Variants in KDM2A observed in about 807,000 individuals in gnomAD.
KDM2A encodes the protein lysine demethylase 2A, also known as lysine-specific demethylase 2A.
KDM2A carries 3 observed loss-of-function variants against 137.3 expected under a neutral mutation model. The observed-to-expected ratio is 0.02, with a 90% CI of 0.01 to 0.06. The LOEUF (loss-of-function observed/expected upper bound fraction) is 0.06. KDM2A is among the 10% of genes least tolerant of loss of function. The pLI, the probability that KDM2A is intolerant of heterozygous loss-of-function variation, is 1.00. For synonymous variants in KDM2A, 512 were observed against 541.5 expected, an observed-to-expected ratio of 0.95 and a Z score of 0.76; for missense variants, 738 against 1,510.6, an observed-to-expected ratio of 0.49 and a Z score of 8.48.
rs1857840435 is a variant in KDM2A, at chr11:67,207,491, G to A, written c.308-19G>A. ...TATTAGTGGCTCGATAGAGATGATC[G>A]ATGCATCTTTTATGGCAGGGAGTCG... is the stretch of plus-strand genomic sequence containing the variant. On this transcript the variant is annotated intron_variant, in intron 5 of 20. Transcript: ENST00000529006. 3.8e-6 allele frequency: 6 copies of A among 1,562,012 alleles called. No homozygotes were observed. The highest frequency in any genetic ancestry group is 2.3e-5 in the East Asian group (1 of 43,724).
rs1422217271 is a variant in KDM2A at position 67,219,497 on chromosome 11, C to T, written c.957+94C>T. 3 of 570,952 alleles carry T rather than the reference C, an allele frequency of 5.3e-6. No homozygotes were observed. In the African/African-American group the frequency reaches 5.9e-5, roughly 11 times the overall value. 35.4% of individuals were successfully genotyped at this position (570,952 alleles called of 1,614,324 possible). On this transcript the variant is annotated intron_variant, in intron 10 of 20. Coordinates refer to ENST00000529006, the MANE Select transcript of KDM2A (RefSeq NM_012308.3). ...TTCACTGATGGTTTATCAAAACTTC[C>T]ATTTTTCTTTCAGTTAAAATGCAGT...
intron 2 of KDM2A, among the ~76,000 whole-genome samples, chr11:67,142,557 G>GGGGGTTGGGGTT (rs56758864): frequency 0.016 from 1,803 of 115,290 alleles, 46 homozygotes; most frequent in Non-Finnish European, 0.027. Flanking sequence ...AAGTTGGCCG[G>GGGGGTTGGGGTT]GGGGTTGGGG....
At chr11:67,169,761 T>TCTCTC (rs1856837974) in intron 2 of KDM2A, among the ~76,000 whole-genome samples, 1 of 41,778 alleles carries the variant, frequency 2.4e-5, no homozygotes, top group Non-Finnish European at 1.4e-4. Context: ...CTCTCTCTCT[T>TCTCTC]TTTTTTTTTT....
In KDM2A at chr11:67,231,919, A is replaced by G. The variant is rs1858731409; in HGVS notation, c.1438A>G (p.Thr480Ala). 1 of 1,613,868 alleles carries G rather than the reference A, an allele frequency of 6.2e-7. No individual in the cohort carries two copies. The highest frequency in any genetic ancestry group is 1.3e-5 in the African/African-American group (1 of 74,940). The change falls in exon 12 of 21, where the codon ACA becomes GCA. Residue 480 changes from threonine to alanine, a missense_variant. By Grantham distance (58) the Thr-to-Ala change is moderately conservative. This residue lies in a region of KDM2A where 71 missense variants were observed against 147.9 expected (regional missense o/e 0.48). Transcript: ENST00000529006. ...GCCACTGCACAAGAAATGTGTCCCC[A>G]CAGGGATAGAAGATGAAGATGCTCT... is the stretch of plus-strand genomic sequence containing the variant. The part of the protein sequence containing the change: ...SLPLHKKCVP[T>A]GIEDEDALIA...
chr11:67,195,530 C>G (rs1857458137), intron 5 of KDM2A: 1 of 152,992 alleles, frequency 6.5e-6, no homozygotes, highest in African/African-American at 2.4e-5. Context: ...ATGAAGAAAA[C>G]AAAGAGCTCT....
At chr11:67,200,331 T>C (rs1752988208) in intron 5 of KDM2A, among the ~76,000 whole-genome samples, 1 of 152,084 alleles carries the variant, frequency 6.6e-6, no homozygotes. Context: ...TTCTCCTGTC[T>C]CAGCCTCCCG....
chr11:67,120,484 C>T (rs1338684517), intron 1 of KDM2A, among the ~76,000 whole-genome samples: 2 of 152,198 alleles, frequency 1.3e-5, no homozygotes, highest in Non-Finnish European at 2.9e-5. Flanking sequence ...ACGGATTGAC[C>T]GTCGCGCCGG....
intron 15 of KDM2A, among the ~76,000 whole-genome samples, chr11:67,247,080 T>TTTTA (rs1859268839): frequency 3.6e-5 from 3 of 82,420 alleles, no homozygotes; most frequent in East Asian, 3.8e-4. Flanking sequence ...TATTTTTTTT[T>TTTTA]TTTTTTTTTT....
At chr11:67,201,508 C>T (rs374668250) in intron 5 of KDM2A, among the ~76,000 whole-genome samples, 8 of 151,884 alleles carry the variant, frequency 5.3e-5, no homozygotes, top group Non-Finnish European at 8.8e-5. Flanking sequence ...CGGTGGCTCA[C>T]GCCTGTAATC....
Position 67,250,915 on chromosome 11 carries a change from A to C in KDM2A, c.2768+117A>C. The C allele has an allele frequency of 1.3e-6, 1 of 778,304 alleles. No individual in the cohort carries two copies. Among genetic ancestry groups the C allele is most frequent in the Non-Finnish European group, 2.1e-6 (1 of 479,408 alleles). 48.2% of individuals were successfully genotyped at this position (778,304 alleles called of 1,614,324 possible). A position where few individuals can be genotyped will look rare whatever the true frequency, so the allele number is the denominator to read the frequency against. ...AGCCTGTGGGGTCTTATGAGGAGTG[A>C]ATTGACCCTTTTTCCCAAACTTTGG... is the stretch of plus-strand genomic sequence containing the variant. On this transcript the variant is annotated intron_variant, in intron 17 of 20. Coordinates refer to ENST00000529006, the MANE Select transcript of KDM2A (RefSeq NM_012308.3). This position sits in a 1 kb window ranked among gnomAD's most constrained non-coding sequence, Gnocchi z 7.1.
intron 2 of KDM2A, among the ~76,000 whole-genome samples, chr11:67,154,546 C>T (rs1437905018): frequency 6.6e-6 from 1 of 152,172 alleles, no homozygotes; most frequent in Non-Finnish European, 1.5e-5. Flanking sequence ...GATTCTCCTG[C>T]CTCAGCCTCC....
rs556011998 is a variant in KDM2A at position 67,174,275 on chromosome 11, C to T, written c.43-5804C>T. On this transcript the variant is annotated intron_variant, in intron 2 of 20. Coordinates refer to ENST00000529006, the MANE Select transcript of KDM2A (RefSeq NM_012308.3). ...TCTGTCTCAAAAAAAAGAAAGAAAC[C>T]GTTTCCTAAAAACAGTCTCTCTCAG... 9.2e-5 allele frequency among the ~76,000 whole-genome samples: 14 copies of T among 152,118 alleles called. No individual in the cohort carries two copies. The South Asian group carries it at 2.5e-3, about 27-fold the overall frequency.
chr11:67,154,251 GT>G (rs1856466398), intron 2 of KDM2A, among the ~76,000 whole-genome samples: 1 of 152,140 alleles, frequency 6.6e-6, no homozygotes, highest in South Asian at 2.1e-4. Context: ...AATAAGAATG[GT>G]TTTTACGTCT....
intron 5 of KDM2A, among the ~76,000 whole-genome samples, chr11:67,184,188 C>T (rs763515480): frequency 6.6e-6 from 1 of 151,272 alleles, no homozygotes; most frequent in Non-Finnish European, 1.5e-5. Context: ...GAACTGACTT[C>T]CAGGGGATTT....
At position 67,250,403 on chromosome 11, in the gene KDM2A, A is replaced by G. The variant is rs780295743; in HGVS notation, c.2373A>G (p.Lys791=). 3.7e-6 allele frequency: 6 copies of G among 1,614,062 alleles called. No individual in the cohort carries two copies. Among genetic ancestry groups the G allele is most frequent in the Non-Finnish European group, 5.1e-6 (6 of 1,179,900 alleles). The change falls in exon 17 of 21, where the codon AAA becomes AAG. Residue 791 remains lysine (K), a synonymous_variant. Coordinates refer to ENST00000529006, the MANE Select transcript of KDM2A (RefSeq NM_012308.3). The surrounding 1 kb of genome is among the most constrained non-coding windows in gnomAD (Gnocchi z 7.1). ...AAAAGGAGCTGTCTGAAGTTGAGAAAGCCAAGATCCGGGGATCGTACCTCA... is the reference window on the plus strand; with the variant it reads ...AAAAGGAGCTGTCTGAAGTTGAGAAGGCCAAGATCCGGGGATCGTACCTCA... ...SGKKELSEVE[K]AKIRGSYLTV...
intron 10 of KDM2A, among the ~76,000 whole-genome samples, chr11:67,225,520 C>T (rs1858512687): frequency 6.6e-6 from 1 of 152,092 alleles, no homozygotes; most frequent in African/African-American, 2.4e-5. Context: ...CCTGTAATCC[C>T]AGCACTTTGG....
At chr11:67,168,664 C>CAT in intron 2 of KDM2A, among the ~76,000 whole-genome samples, 1 of 144,212 alleles carries the variant, frequency 6.9e-6, no homozygotes, top group South Asian at 2.2e-4. Context: ...CACACACACA[C>CAT]GGTCGGGGGG....
chr11:67,187,202 G>A (rs1440169248), intron 5 of KDM2A, among the ~76,000 whole-genome samples: 1 of 152,136 alleles, frequency 6.6e-6, no homozygotes, highest in African/African-American at 2.4e-5. Context: ...CCAAATAAAT[G>A]TATCTAAGTA....
chr11:67,189,776 G>A (rs1429482461), intron 5 of KDM2A, among the ~76,000 whole-genome samples: 2 of 152,120 alleles, frequency 1.3e-5, no homozygotes, highest in East Asian at 3.9e-4. Flanking sequence ...GGAAGCGGAG[G>A]TTGCAGTGAG....
Sources: allele counts gnomAD v4.1 joint callset (sites outside exome capture counted in the v4.1 genomes callset), GRCh38; gene constraint gnomAD v4.1.1; regional missense constraint gnomAD v4.1.1; non-coding constraint Gnocchi (gnomAD v3.1); transcripts MANE v1.5; gene names NCBI Gene and HGNC (gene_info 2026-07-23, HGNC 2026-07-21).